RPS6KC1: variants seen among roughly 807,000 people sequenced by gnomAD.
RPS6KC1 encodes the protein inactive ribosomal protein S6 kinase delta-1.
A neutral mutation model predicts 103.8 loss-of-function variants in RPS6KC1; 54 were observed. That is an observed-to-expected ratio of 0.52 (90% CI 0.42 to 0.65). The LOEUF is 0.65. RPS6KC1 is among the 30% of genes least tolerant of loss of function. RPS6KC1 has a pLI of 0.00. For synonymous variants in RPS6KC1, 439 were observed against 438.7 expected (o/e 1.00, Z -0.01); for missense variants, 1,151 against 1,253.8 (o/e 0.92, Z 1.24).
At chr1:213,406,268 C>T in the RPS6KC1 span, among the ~76,000 whole-genome samples, 1 of 152,114 alleles carries the variant, frequency 6.6e-6, no homozygotes, top group Non-Finnish European at 1.5e-5. Context: ...TGGGCATGGG[C>T]CTAAAAGCTG....
chr1:213,389,452 T>C, the RPS6KC1 span, among the ~76,000 whole-genome samples: 1 of 152,226 alleles, frequency 6.6e-6, no homozygotes, highest in Non-Finnish European at 1.5e-5. Flanking sequence ...TCTGCGGGCT[T>C]GCGGCGGATT....
At position 213,249,269 on chromosome 1, in the gene RPS6KC1, A is replaced by G. The variant is rs761247918; in HGVS notation, c.2911+6611A>G. ...TGTAATACTGAGTCTTAAACATTAT[A>G]TACCAGAGCAATTGGCTAACTATTT... is the stretch of plus-strand genomic sequence containing the variant. On this transcript the variant is annotated intron_variant, in intron 12 of 14. Transcript: ENST00000366960. Among the ~76,000 whole-genome samples, 12 of 152,220 alleles carry G rather than the reference A, an allele frequency of 7.9e-5. 1 individual carries two copies. The highest frequency in any genetic ancestry group is 8.8e-5 in the Non-Finnish European group (6 of 68,034).
At position 213,273,495 on chromosome 1, in the gene RPS6KC1, C is replaced by A. The variant is rs965504264; in HGVS notation, c.*861C>A. ...TCTTCTTCATTTAATAACCCTCCCC[C>A]CTTTTTTTCCTTGAAGAAATGCGTC... is the stretch of plus-strand genomic sequence containing the variant. On this transcript the variant is annotated 3_prime_UTR_variant, in exon 15 of 15. Coordinates refer to ENST00000366960, the MANE Select transcript of RPS6KC1 (RefSeq NM_012424.6). 1 of 152,616 alleles carries A rather than the reference C, an allele frequency of 6.6e-6. No individual in the cohort carries two copies. The highest frequency in any genetic ancestry group is 1.5e-5 in the Non-Finnish European group (1 of 68,030). The allele number at this position is 152,616 out of a possible 1,614,324, so 9.5% of individuals were successfully genotyped here. A position where few individuals can be genotyped will look rare whatever the true frequency, so the allele number is the denominator to read the frequency against.
downstream of RPS6KC1, among the ~76,000 whole-genome samples, chr1:213,278,921 A>C (rs898514432): frequency 1.3e-5 from 2 of 152,040 alleles, no homozygotes; most frequent in Non-Finnish European, 1.5e-5. Context: ...GGAGAGAAGG[A>C]AAGTTCTCGG....
At chr1:213,289,994 G>C in the RPS6KC1 span, among the ~76,000 whole-genome samples, 54 of 152,036 alleles carry the variant, frequency 3.6e-4, no homozygotes, top group African/African-American at 1.3e-3. Context: ...AGCCGAGATC[G>C]CACCATTGCA....
chr1:213,785,145 C>T, the RPS6KC1 span, among the ~76,000 whole-genome samples: 24 of 152,310 alleles, frequency 1.6e-4, no homozygotes, highest in Middle Eastern at 3.4e-3. Context: ...TTTTATTACA[C>T]AGCATTGTTG....
chr1:213,478,458 A>G, the RPS6KC1 span, among the ~76,000 whole-genome samples: 1 of 152,178 alleles, frequency 6.6e-6, no homozygotes, highest in Non-Finnish European at 1.5e-5. Context: ...AAAGTGGCTG[A>G]CTGTACCATT....
At chr1:213,853,971 C>T in the RPS6KC1 span, among the ~76,000 whole-genome samples, 1 of 152,332 alleles carries the variant, frequency 6.6e-6, no homozygotes, top group South Asian at 2.1e-4. Flanking sequence ...GGTGCGATTT[C>T]TTCCTATGGT....
At chr1:213,151,151 C>T (rs1388832701) in intron 6 of RPS6KC1, among the ~76,000 whole-genome samples, 13 of 141,408 alleles carry the variant, frequency 9.2e-5, no homozygotes, top group South Asian at 2.3e-4. Flanking sequence ...CCGGATGGGG[C>T]GGCTGGCCGG....
the RPS6KC1 span, among the ~76,000 whole-genome samples, chr1:213,701,182 G>C: frequency 6.6e-6 from 1 of 151,884 alleles, no homozygotes; most frequent in African/African-American, 2.4e-5. Context: ...TGTGATACTA[G>C]CTGTGTGTCT....
chr1:213,147,097 C>T (rs1024452368), intron 6 of RPS6KC1, among the ~76,000 whole-genome samples: 9 of 151,986 alleles, frequency 5.9e-5, no homozygotes, highest in Non-Finnish European at 1.2e-4. Flanking sequence ...CTATTAATCC[C>T]TTGTGAGATG....
the RPS6KC1 span, among the ~76,000 whole-genome samples, chr1:213,828,413 A>G: frequency 6.6e-6 from 1 of 152,210 alleles, no homozygotes; most frequent in African/African-American, 2.4e-5. Flanking sequence ...CTGGAAATGA[A>G]TGGATATCTC....
chr1:213,807,443 A>G, the RPS6KC1 span, among the ~76,000 whole-genome samples: 1 of 152,074 alleles, frequency 6.6e-6, no homozygotes, highest in South Asian at 2.1e-4. Context: ...TGGTCTTTTC[A>G]TATAGTCCCA....
the RPS6KC1 span, among the ~76,000 whole-genome samples, chr1:213,605,361 G>T: frequency 1.1e-4 from 16 of 152,192 alleles, no homozygotes; most frequent in Admixed American, 1.0e-3. Flanking sequence ...TCAAGTTTTG[G>T]AATCAGGACA....
At chr1:213,856,919 A>G in the RPS6KC1 span, among the ~76,000 whole-genome samples, 1 of 152,220 alleles carries the variant, frequency 6.6e-6, no homozygotes, top group South Asian at 2.1e-4. Flanking sequence ...AATAGTAATA[A>G]CAACATAAGC....
chr1:213,583,201 G>T, the RPS6KC1 span, among the ~76,000 whole-genome samples: 1 of 152,178 alleles, frequency 6.6e-6, no homozygotes, highest in Admixed American at 6.5e-5. Flanking sequence ...GGGCTATTAT[G>T]AATAAAGCTG....
chr1:213,490,609 G>A, the RPS6KC1 span, among the ~76,000 whole-genome samples: 1 of 152,194 alleles, frequency 6.6e-6, no homozygotes, highest in African/African-American at 2.4e-5. Context: ...GTCATCAGAG[G>A]AAGGGGAGAT....
At chr1:213,100,446 T>G (rs11806512) in intron 3 of RPS6KC1, among the ~76,000 whole-genome samples, 5,559 of 152,280 alleles carry the variant, frequency 0.037, 285 homozygotes, top group African/African-American at 0.12. Context: ...ATTAGTTTAT[T>G]TTAGATTCAG....
the RPS6KC1 span, among the ~76,000 whole-genome samples, chr1:213,425,678 G>A: frequency 6.6e-6 from 1 of 152,216 alleles, no homozygotes; most frequent in Non-Finnish European, 1.5e-5. Flanking sequence ...AGGAGGCGAC[G>A]TGGAGGGATA....
Sources: gnomAD v4.1 joint callset for allele counts (sites outside exome capture counted in the v4.1 genomes callset) on GRCh38, gnomAD v4.1.1 for gene constraint, MANE v1.5 for transcripts, NCBI Gene and HGNC (gene_info 2026-07-23, HGNC 2026-07-21) for gene names.